Variants in GRIA4 observed in about 807,000 individuals in gnomAD.
GRIA4 encodes glutamate receptor 4.
A neutral mutation model predicts 104.0 loss-of-function variants in GRIA4; 34 were observed. The ratio of observed to expected loss-of-function variants is 0.33; its 90% CI spans 0.25 to 0.44. GRIA4 has a LOEUF of 0.44. GRIA4 is among the 20% of genes least tolerant of loss of function. The probability of loss-of-function intolerance (pLI) is 1.00; values close to 1 mark genes in which losing one functional copy is unlikely to be tolerated. For synonymous variants in GRIA4, 386 were observed against 381.9 expected, an observed-to-expected ratio of 1.01 and a Z score of -0.13; for missense variants, 750 against 1,096.5, an observed-to-expected ratio of 0.68 and a Z score of 4.46.
At chr11:105,871,525 G>A (rs1420793704) in intron 5 of GRIA4, among the ~76,000 whole-genome samples, 1 of 150,578 alleles carries the variant, frequency 6.6e-6, no homozygotes, top group Non-Finnish European at 1.5e-5. Flanking sequence ...AATAATATGG[G>A]AAGTAATCAT....
chr11:105,663,179 AC>A (rs5794418), intron 3 of GRIA4, among the ~76,000 whole-genome samples: 70,172 of 151,686 alleles, frequency 0.46, 16,828 homozygotes, highest in Admixed American at 0.57. Context: ...TAACTTTATT[AC>A]CAAGTTCATT....
chr11:105,672,768 AAAT>A (rs1222675573), intron 3 of GRIA4, among the ~76,000 whole-genome samples: 3 of 152,118 alleles, frequency 2.0e-5, no homozygotes, highest in Non-Finnish European at 4.4e-5. Flanking sequence ...GTACTGTAAG[AAAT>A]AATATGTGTG....
At chr11:105,687,485 G>A (rs1345945913) in intron 3 of GRIA4, among the ~76,000 whole-genome samples, 1 of 152,206 alleles carries the variant, frequency 6.6e-6, no homozygotes, top group Non-Finnish European at 1.5e-5. Context: ...AGACCAGGAA[G>A]ATTCTGTGAG....
intron 3 of GRIA4, among the ~76,000 whole-genome samples, chr11:105,671,751 T>A (rs1430548016): frequency 1.4e-5 from 2 of 144,676 alleles, no homozygotes; most frequent in Admixed American, 1.4e-4. Context: ...GGAAGAAAAA[T>A]TTTACAAGAT....
intron 14 of GRIA4, among the ~76,000 whole-genome samples, chr11:105,957,280 T>C (rs1948615574): frequency 6.6e-6 from 1 of 152,212 alleles, no homozygotes; most frequent in Non-Finnish European, 1.5e-5. Flanking sequence ...CTTGAATTAA[T>C]TTTTGTATAA....
chr11:105,614,700 G>A (rs931524333), intron 3 of GRIA4, among the ~76,000 whole-genome samples: 1 of 151,942 alleles, frequency 6.6e-6, no homozygotes, highest in Non-Finnish European at 1.5e-5. Context: ...TTTTCTAGCA[G>A]AGAAAAGGAA....
intron 10 of GRIA4, chr11:105,912,309 G>T (rs1035457393): frequency 1.9e-5 from 19 of 975,374 alleles, no homozygotes; most frequent in South Asian, 9.5e-5. Flanking sequence ...AGATCTCTTG[G>T]AATTTTGCCT....
chr11:105,817,969 TA>T (rs1943444498), intron 4 of GRIA4, among the ~76,000 whole-genome samples: 1 of 151,774 alleles, frequency 6.6e-6, no homozygotes, highest in South Asian at 2.1e-4. Context: ...AGAGCAGAGA[TA>T]AAAATGCTGT....
At chr11:105,853,005 C>A (rs1181055577) in intron 4 of GRIA4, among the ~76,000 whole-genome samples, 1 of 128,606 alleles carries the variant, frequency 7.8e-6, no homozygotes, top group African/African-American at 2.7e-5. Flanking sequence ...CAAGCTGATA[C>A]TTAATATGTT....
intron 3 of GRIA4, among the ~76,000 whole-genome samples, chr11:105,677,004 A>G (rs1207875808): frequency 6.6e-6 from 1 of 151,848 alleles, no homozygotes; most frequent in African/African-American, 2.4e-5. Context: ...CATGCATTCC[A>G]TTTGCATAAT....
At chr11:105,833,794 A>G (rs145011936) in intron 4 of GRIA4, among the ~76,000 whole-genome samples, 4 of 151,900 alleles carry the variant, frequency 2.6e-5, no homozygotes, top group Admixed American at 2.6e-4. Flanking sequence ...GAGCCCTTAC[A>G]TGTTCTCCTA....
At chr11:105,721,995 C>A (rs1261050879) in intron 3 of GRIA4, among the ~76,000 whole-genome samples, 1 of 152,114 alleles carries the variant, frequency 6.6e-6, no homozygotes, top group East Asian at 1.9e-4. Context: ...ATATATAAAT[C>A]ATATGTATAC....
chr11:105,806,152 G>C (rs997151456), intron 4 of GRIA4, among the ~76,000 whole-genome samples: 5 of 151,722 alleles, frequency 3.3e-5, no homozygotes, highest in Non-Finnish European at 5.9e-5. Flanking sequence ...TTCTTTGTTT[G>C]TTTGTTTACC....
chr11:105,750,732 T>C (rs377059506), intron 3 of GRIA4, among the ~76,000 whole-genome samples: 17 of 152,224 alleles, frequency 1.1e-4, no homozygotes, highest in East Asian at 9.7e-4. Context: ...ACTTGAGCAG[T>C]GTAGTACACT....
chr11:105,863,028 G>C (rs1438158360), intron 5 of GRIA4, among the ~76,000 whole-genome samples: 2 of 152,168 alleles, frequency 1.3e-5, no homozygotes, highest in Non-Finnish European at 1.5e-5. Flanking sequence ...AGTTCAGCCA[G>C]ACATGGGTAA....
chr11:105,622,722 C>T (rs1418017597), intron 3 of GRIA4, among the ~76,000 whole-genome samples: 1 of 151,750 alleles, frequency 6.6e-6, no homozygotes, highest in Non-Finnish European at 1.5e-5. Context: ...GGTAGAAATG[C>T]AATTTTGTTA....
chr11:105,616,027 G>A (rs148620014), intron 3 of GRIA4, among the ~76,000 whole-genome samples: 1 of 151,722 alleles, frequency 6.6e-6, no homozygotes, highest in Non-Finnish European at 1.5e-5. Context: ...ATTCTGAAAT[G>A]AGTCATTTAA....
chr11:105,816,282 G>A (rs1002892920), intron 4 of GRIA4, among the ~76,000 whole-genome samples: 1 of 152,178 alleles, frequency 6.6e-6, no homozygotes, highest in Non-Finnish European at 1.5e-5. Context: ...ATCTCATAGT[G>A]AAATGTAATT....
chr11:105,824,725 C>T (rs896983926), intron 4 of GRIA4: 6 of 152,082 alleles, frequency 3.9e-5, no homozygotes, highest in Non-Finnish European at 8.8e-5. Flanking sequence ...AATAACAAGT[C>T]AGTTATTCCT....
Sources: allele counts gnomAD v4.1 joint callset (sites outside exome capture counted in the v4.1 genomes callset), GRCh38; gene constraint gnomAD v4.1.1; transcripts MANE v1.5; gene names NCBI Gene and HGNC (gene_info 2026-07-23, HGNC 2026-07-21).